Variants in TF observed in about 807,000 individuals in gnomAD.
TF encodes the protein serotransferrin.
Under a neutral mutation model 82.4 loss-of-function variants are expected in TF, and 55 were observed. The observed-to-expected ratio is 0.67, with a 90% CI of 0.54 to 0.84. TF has a LOEUF of 0.84. Among genes scored for constraint, TF ranks in the 40% least tolerant of loss-of-function variants. The pLI, the probability that TF is intolerant of heterozygous loss-of-function variation, is 0.00. For missense variants in TF, 737 were observed against 868.4 expected (o/e 0.85, Z 1.90); for synonymous variants, 332 against 332.6 (o/e 1.00, Z 0.02).
chr3:133,721,609 T>C, the TF span, among the ~76,000 whole-genome samples: 3 of 152,228 alleles, frequency 2.0e-5, no homozygotes, highest in African/African-American at 7.2e-5. Context: ...ATTTGATCTA[T>C]GATGCAGTTA....
rs548648897 is a variant in TF, at chr3:133,770,515, G to T, written c.1630G>T (p.Val544Phe). 6.2e-7 allele frequency: 1 copy of T among 1,614,084 alleles called. No homozygotes were observed. The highest frequency in any genetic ancestry group is 8.5e-7 in the Non-Finnish European group (1 of 1,180,010). The change falls in exon 14 of 17, where the codon GTT becomes TTT. Residue 544 changes from valine (V) to phenylalanine (F), a missense_variant. By Grantham distance (50) the Val-to-Phe change is conservative (BLOSUM62 -1). Transcript: ENST00000402696. ...ACTTCTGGACCTCTGCAGGTGTCTG[G>T]TTGAGAAGGGAGATGTGGCCTTTGT... ...YGYTGAFRCL[V>F]EKGDVAFVKH...
At chr3:133,776,965 C>T in intron 15 of TF, 84 bp from the exon 16 acceptor site, 1 of 1,296,456 alleles carries the variant, frequency 7.7e-7, no homozygotes, top group East Asian at 2.3e-5. Context: ...AGGGCTGGTT[C>T]AGAGCTTTCA....
chr3:133,736,631 CAAA>C, the TF span, among the ~76,000 whole-genome samples: 986 of 32,580 alleles, frequency 0.03, 34 homozygotes, highest in African/African-American at 0.12. Context: ...AATGGAAAGC[CAAA>C]AAAAAAAAAA....
the TF span, among the ~76,000 whole-genome samples, chr3:133,668,012 C>CG: frequency 6.6e-6 from 1 of 152,156 alleles, no homozygotes; most frequent in Non-Finnish European, 1.5e-5. Context: ...TTCACTTATT[C>CG]TTCTCTGTTG....
chr3:133,770,931 C>T (rs1197023169), intron 14 of TF: 1 of 326,846 alleles, frequency 3.1e-6, no homozygotes, highest in Non-Finnish European at 5.8e-6. Context: ...ATTTAATACT[C>T]GTCACGTCCA....
chr3:133,771,112 C>A (rs978971244), intron 14 of TF, among the ~76,000 whole-genome samples: 1 of 152,098 alleles, frequency 6.6e-6, no homozygotes, highest in Non-Finnish European at 1.5e-5. Flanking sequence ...AACCAGAACT[C>A]CTTGGAAAAA....
At chr3:133,737,554 C>T in the TF span, among the ~76,000 whole-genome samples, 1 of 151,108 alleles carries the variant, frequency 6.6e-6, no homozygotes, top group African/African-American at 2.4e-5. Context: ...AAAAGATTAA[C>T]AAAATGGACC....
chr3:133,700,075 T>C, the TF span: 1 of 157,690 alleles, frequency 6.3e-6, no homozygotes, highest in African/African-American at 2.4e-5. Flanking sequence ...CAGATGAGTG[T>C]GGGAGGCACA....
chr3:133,746,452 C>T lies in TF; in HGVS notation c.12C>T (p.Ala4=), dbSNP rs1190765289. The T allele has an allele frequency of 1.2e-6, 2 of 1,600,640 alleles. No homozygotes were observed. The highest frequency in any genetic ancestry group is 1.8e-4 in the Middle Eastern group (1 of 5,622). Residue 4 remains alanine, a synonymous_variant, in exon 1 of 17, where the codon GCC becomes GCT. Transcript: ENST00000402696. ...GCCGCACCCGGAAGATGAGGCTCGCCGTGGGAGCCCTGCTGGTCTGCGCCG... is the reference window on the plus strand; with the variant it reads ...GCCGCACCCGGAAGATGAGGCTCGCTGTGGGAGCCCTGCTGGTCTGCGCCG... The part of the protein sequence containing the change: MRL[A]VGALLVCAVL...
rs56267966 is a variant in TF, at chr3:133,789,879, G to GTTTTTTTTTTTT, written c.*11277_*11288dup. On this transcript the variant is annotated 3_prime_UTR_variant, in exon 17 of 17. Coordinates refer to ENST00000402696, the MANE Select transcript of TF (RefSeq NM_001063.4). ...GCCAAAACAAAACGATCTCGTTTGC[G>GTTTTTTTTTTTT]TTTTTTTTTTTTTTTTTTTTTTTTT... 4 of 88,964 alleles carry GTTTTTTTTTTTT rather than the reference G, an allele frequency of 4.5e-5. No individual in the cohort carries two copies. The highest frequency in any genetic ancestry group is 5.5e-5 in the African/African-American group (1 of 18,258). 5.5% of individuals were successfully genotyped at this position (88,964 alleles called of 1,614,324 possible). A position where few individuals can be genotyped will look rare whatever the true frequency, so the allele number is the denominator to read the frequency against.
the TF span, among the ~76,000 whole-genome samples, chr3:133,710,465 C>A: frequency 6.6e-6 from 1 of 152,208 alleles, no homozygotes; most frequent in Non-Finnish European, 1.5e-5. Flanking sequence ...CCCGGTGATT[C>A]TCCTAATGTC....
At chr3:133,730,930 T>C in the TF span, among the ~76,000 whole-genome samples, 10 of 152,322 alleles carry the variant, frequency 6.6e-5, no homozygotes, top group African/African-American at 1.9e-4. Context: ...ATTGTACATG[T>C]ATACACTTTA....
At chr3:133,705,001 G>A in the TF span, among the ~76,000 whole-genome samples, 8 of 152,202 alleles carry the variant, frequency 5.3e-5, no homozygotes, top group East Asian at 1.9e-4. Flanking sequence ...TGGGTCGGGC[G>A]TGGTGGCTCA....
At chr3:133,713,996 G>A in the TF span, among the ~76,000 whole-genome samples, 16 of 152,196 alleles carry the variant, frequency 1.1e-4, no homozygotes, top group Non-Finnish European at 2.1e-4. Context: ...AGGAACCAAG[G>A]GAGGTGATGC....
the TF span, among the ~76,000 whole-genome samples, chr3:133,679,714 G>C: frequency 1.3e-5 from 2 of 151,654 alleles, no homozygotes; most frequent in African/African-American, 4.8e-5. Flanking sequence ...CCATTCACTT[G>C]TTGATGGATG....
At chr3:133,705,566 G>C in the TF span, among the ~76,000 whole-genome samples, 7 of 152,306 alleles carry the variant, frequency 4.6e-5, no homozygotes, top group South Asian at 2.1e-4. Context: ...CTTCAAATAG[G>C]AAAGAGCAGA....
In TF at chr3:133,777,199, G is replaced by A. The variant is rs1005264005; in HGVS notation, c.2023G>A (p.Val675Ile). 9.9e-6 allele frequency: 16 copies of A among 1,613,734 alleles called. No individual in the cohort carries two copies. Among genetic ancestry groups the A allele is most frequent in the African/African-American group, 4.0e-5 (3 of 74,926 alleles). The change falls in exon 16 of 17, where the codon GTC becomes ATC. Residue 675 changes from valine to isoleucine, a missense_variant. Physicochemically the swap from Val to Ile is conservative, Grantham distance 29. Coordinates refer to ENST00000402696, the MANE Select transcript of TF (RefSeq NM_001063.4). The part of the protein sequence containing the change: ...TYEKYLGEEY[V>I]KAVGNLRKCS... The stretch of plus-strand genomic sequence containing the variant: ...TGAAAAATACTTAGGAGAAGAATAT[G>A]TCAAGGCTGTTGGTAACCTGAGAAA...
At chr3:133,724,675 CA>C in the TF span, among the ~76,000 whole-genome samples, 4 of 152,150 alleles carry the variant, frequency 2.6e-5, no homozygotes, top group Non-Finnish European at 5.9e-5. Context: ...TCCCATTTGT[CA>C]ATGTTGGCTT....
At chr3:133,682,666 G>A in the TF span, among the ~76,000 whole-genome samples, 3 of 152,120 alleles carry the variant, frequency 2.0e-5, no homozygotes, top group African/African-American at 7.2e-5. Context: ...AGAAAAAAGA[G>A]TAAAAAGAAA....
Sources: gnomAD v4.1 joint callset for allele counts (sites outside exome capture counted in the v4.1 genomes callset) on GRCh38, gnomAD v4.1.1 for gene constraint, MANE v1.5 for transcripts, NCBI Gene and HGNC (gene_info 2026-07-23, HGNC 2026-07-21) for gene names.